The following DRC11 variants were observed in gnomAD, a reference collection of about 807,000 sequenced individuals.
The protein encoded by DRC11 is dynein regulatory complex subunit 11, also known as IQ and AAA domain-containing protein 1.
chr2:236,447,910 G>A, the DRC11 span, among the ~76,000 whole-genome samples: 1 of 152,134 alleles, frequency 6.6e-6, no homozygotes, highest in Non-Finnish European at 1.5e-5. The surrounding 1 kb of genome is among the most constrained non-coding windows in gnomAD (Gnocchi z 4.6). Context: ...GTGGATTCAG[G>A]AATGACATTG....
At chr2:236,388,974 G>C in the DRC11 span, among the ~76,000 whole-genome samples, 32 of 151,940 alleles carry the variant, frequency 2.1e-4, no homozygotes, top group African/African-American at 6.3e-4. Context: ...TAGGCTGCTC[G>C]GGGGTCAGGG....
At chr2:236,459,573 A>G in the DRC11 span, among the ~76,000 whole-genome samples, 1 of 138,288 alleles carries the variant, frequency 7.2e-6, no homozygotes, top group East Asian at 2.0e-4. Context: ...ATATATGTGT[A>G]TACATACGTA....
chr2:236,433,919 G>C, the DRC11 span, among the ~76,000 whole-genome samples: 1 of 152,212 alleles, frequency 6.6e-6, no homozygotes, highest in Admixed American at 6.5e-5. Flanking sequence ...TGTTCAACAA[G>C]TATCCATCTA....
the DRC11 span, among the ~76,000 whole-genome samples, chr2:236,326,395 T>G: frequency 6.6e-6 from 1 of 152,218 alleles, no homozygotes; most frequent in African/African-American, 2.4e-5. Flanking sequence ...GGATTTTACC[T>G]TCTTGTTTTT....
chr2:236,307,270 G>A, the DRC11 span, among the ~76,000 whole-genome samples: 7 of 152,076 alleles, frequency 4.6e-5, no homozygotes, highest in Non-Finnish European at 8.8e-5. This position sits in a 1 kb window ranked among gnomAD's most constrained non-coding sequence, Gnocchi z 7.0. Flanking sequence ...CATACAGAGC[G>A]CACATCTCAA....
At chr2:236,388,990 G>A in the DRC11 span, among the ~76,000 whole-genome samples, 31 of 152,066 alleles carry the variant, frequency 2.0e-4, no homozygotes, top group Admixed American at 2.0e-3. Flanking sequence ...CAGGGGTCAG[G>A]GACCCACTTG....
At chr2:236,501,015 A>T in the DRC11 span, among the ~76,000 whole-genome samples, 1 of 152,086 alleles carries the variant, frequency 6.6e-6, no homozygotes, top group Admixed American at 6.6e-5. Context: ...GTAATTTATA[A>T]AGAAAAGAGG....
chr2:236,338,173 A>G, the DRC11 span: 2 of 1,576,100 alleles, frequency 1.3e-6, no homozygotes, highest in South Asian at 1.1e-5. Flanking sequence ...AGCCTCAGCT[A>G]TCATGCATGG....
At chr2:236,446,482 G>A in the DRC11 span, among the ~76,000 whole-genome samples, 1 of 152,182 alleles carries the variant, frequency 6.6e-6, no homozygotes, top group African/African-American at 2.4e-5. This position sits in a 1 kb window ranked among gnomAD's most constrained non-coding sequence, Gnocchi z 6.2. Context: ...GTTAAAAGTG[G>A]AAACCAAAGT....
chr2:236,456,680 C>T, the DRC11 span, among the ~76,000 whole-genome samples: 1 of 152,132 alleles, frequency 6.6e-6, no homozygotes, highest in Admixed American at 6.5e-5. The surrounding 1 kb of genome is among the most constrained non-coding windows in gnomAD (Gnocchi z 5.4). Flanking sequence ...CTAGCAATGC[C>T]CCTCGGCCAC....
At chr2:236,364,744 G>A in the DRC11 span, among the ~76,000 whole-genome samples, 4 of 152,168 alleles carry the variant, frequency 2.6e-5, no homozygotes, top group African/African-American at 4.8e-5. Flanking sequence ...AAAGTGCTGT[G>A]ATCAAATCAT....
At chr2:236,441,018 T>C in the DRC11 span, 1 of 1,379,982 alleles carries the variant, frequency 7.2e-7, no homozygotes, top group Non-Finnish European at 1.0e-6. Context: ...ATTTACATTT[T>C]ATTTCTCAAG....
chr2:236,313,564 C>T, the DRC11 span, among the ~76,000 whole-genome samples: 6 of 152,128 alleles, frequency 3.9e-5, no homozygotes, highest in Admixed American at 2.6e-4. This position sits in a 1 kb window ranked among gnomAD's most constrained non-coding sequence, Gnocchi z 4.5. Flanking sequence ...GGCCCTTATC[C>T]CAGTTTTTCA....
the DRC11 span, among the ~76,000 whole-genome samples, chr2:236,378,421 C>T: frequency 6.6e-6 from 1 of 152,038 alleles, no homozygotes; most frequent in African/African-American, 2.4e-5. Flanking sequence ...CACCTGTAAT[C>T]CTAGCACTTT....
chr2:236,357,983 TATAA>T, the DRC11 span, among the ~76,000 whole-genome samples: 6 of 115,116 alleles, frequency 5.2e-5, no homozygotes, highest in East Asian at 2.5e-4. Context: ...TATACTCATA[TATAA>T]ATATATATGA....
the DRC11 span, among the ~76,000 whole-genome samples, chr2:236,381,855 T>C: frequency 1.3e-5 from 2 of 152,238 alleles, no homozygotes; most frequent in African/African-American, 4.8e-5. The surrounding 1 kb of genome is among the most constrained non-coding windows in gnomAD (Gnocchi z 5.8). Context: ...GAGTTCTATA[T>C]ATGTCTAGTA....
chr2:236,466,097 T>C, the DRC11 span, among the ~76,000 whole-genome samples: 2 of 152,184 alleles, frequency 1.3e-5, no homozygotes, highest in African/African-American at 4.8e-5. Context: ...TTCTTGTTTT[T>C]TTTTTCTTCC....
chr2:236,336,100 C>A, the DRC11 span, among the ~76,000 whole-genome samples: 2 of 152,078 alleles, frequency 1.3e-5, no homozygotes, highest in African/African-American at 4.8e-5. This position sits in a 1 kb window ranked among gnomAD's most constrained non-coding sequence, Gnocchi z 7.3. Flanking sequence ...ATGAAGAAGG[C>A]ACTAGATGGA....
chr2:236,463,290 G>C, the DRC11 span, among the ~76,000 whole-genome samples: 2 of 152,086 alleles, frequency 1.3e-5, no homozygotes, highest in African/African-American at 2.4e-5. The surrounding 1 kb of genome is among the most constrained non-coding windows in gnomAD (Gnocchi z 5.0). Flanking sequence ...GAGAAAGAGG[G>C]GTATGTGCAC....
Sources: allele counts gnomAD v4.1 joint callset (sites outside exome capture counted in the v4.1 genomes callset), GRCh38; gene constraint gnomAD v4.1.1; non-coding constraint Gnocchi (gnomAD v3.1); transcripts MANE v1.5; gene names NCBI Gene and HGNC (gene_info 2026-07-23, HGNC 2026-07-21).